ZNF98: variants seen among roughly 807,000 people sequenced by gnomAD.
ZNF98 encodes zinc finger protein 739.
In ZNF98, 8 loss-of-function variants were observed where a neutral mutation model predicts 12.8. That is an observed-to-expected ratio of 0.63 (90% confidence interval 0.37 to 1.13). The LOEUF (loss-of-function observed/expected upper bound fraction) is 1.13, where lower values mean the gene tolerates loss of function less well. Among genes scored for constraint, ZNF98 ranks in the 50% most tolerant of loss-of-function variants. The pLI is 0.01. For synonymous variants in ZNF98, 112 were observed against 223.5 expected, an observed-to-expected ratio of 0.50 and a Z score of 4.45; for missense variants, 379 against 666.1, an observed-to-expected ratio of 0.57 and a Z score of 4.74.
At chr19:22,414,175 A>C (rs1969612747) in intron 1 of ZNF98, among the ~76,000 whole-genome samples, 1 of 144,980 alleles carries the variant, frequency 6.9e-6, no homozygotes, top group South Asian at 2.3e-4. Context: ...GAGAAGTTAC[A>C]GTGAACCAAA....
intron 1 of ZNF98, among the ~76,000 whole-genome samples, chr19:22,410,607 G>A (rs1276843330): frequency 6.6e-6 from 1 of 152,172 alleles, no homozygotes; most frequent in African/African-American, 2.4e-5. Flanking sequence ...TTGTGAAGTG[G>A]GGGCAAGGGG....
chr19:22,396,962 T>A (rs1336038353), intron 3 of ZNF98, among the ~76,000 whole-genome samples: 1 of 151,776 alleles, frequency 6.6e-6, no homozygotes, highest in Middle Eastern at 3.2e-3. Context: ...CTACTAAAAA[T>A]ACAAAAATTA....
chr19:22,399,538 T>A (rs1969433963), intron 3 of ZNF98, among the ~76,000 whole-genome samples: 1 of 152,210 alleles, frequency 6.6e-6, no homozygotes, highest in Non-Finnish European at 1.5e-5. Flanking sequence ...ACAAATTATG[T>A]CATATTTTAG....
At chr19:22,400,103 T>G (rs905373202) in intron 3 of ZNF98, among the ~76,000 whole-genome samples, 1 of 152,190 alleles carries the variant, frequency 6.6e-6, no homozygotes, top group African/African-American at 2.4e-5. Flanking sequence ...TTGGTCCCAC[T>G]GAGAATTCTG....
At position 22,392,867 on chromosome 19, in the gene ZNF98, C is replaced by T. The variant is rs1476023771; in HGVS notation, c.368G>A (p.Arg123Lys). 5.0e-6 allele frequency: 8 copies of T among 1,608,300 alleles called. No homozygotes were observed. In the African/African-American group the frequency reaches 1.1e-4, roughly 22 times the overall value. ...KKCGRENLQL[R>K]KYCKSMDECK... ...CTCATCCATGCTTTTACAGTATTTTCTTAACTGTAAATTTTCACGTCCACA... is the reference window on the plus strand; with the variant it reads ...CTCATCCATGCTTTTACAGTATTTTTTTAACTGTAAATTTTCACGTCCACA... Residue 123 changes from arginine to lysine, a missense_variant, in exon 4 of 4, where the codon AGA becomes AAA. By Grantham distance (26) the Arg-to-Lys change is conservative. Around this residue, in one of 8 missense-constraint regions of ZNF98, gnomAD observed 223 missense variants for 261.6 expected, o/e 0.85. Transcript: ENST00000357774.
intron 1 of ZNF98, among the ~76,000 whole-genome samples, chr19:22,410,379 AT>A (rs1241514612): frequency 3.9e-5 from 6 of 152,244 alleles, no homozygotes; most frequent in African/African-American, 1.4e-4. Context: ...GACTTGACAA[AT>A]AAAATATGGT....
At chr19:22,402,527 G>A (rs888454244) in intron 3 of ZNF98, 3 of 443,138 alleles carry the variant, frequency 6.8e-6, no homozygotes, top group African/African-American at 6.1e-5. Flanking sequence ...AGTCTCTTAT[G>A]TGCCATGAAG....
intron 1 of ZNF98, among the ~76,000 whole-genome samples, chr19:22,417,838 T>A (rs1015063008): frequency 6.6e-6 from 1 of 152,094 alleles, no homozygotes; most frequent in Non-Finnish European, 1.5e-5. Context: ...TGAGAGGGAA[T>A]CCTGTGGTTA....
chr19:22,409,365 A>C, intron 1 of ZNF98, among the ~76,000 whole-genome samples: 1 of 152,198 alleles, frequency 6.6e-6, no homozygotes, highest in East Asian at 1.9e-4. Context: ...AATACCACTC[A>C]GGACATAGGC....
At chr19:22,415,952 T>TACACACAC (rs1969636495) in intron 1 of ZNF98, among the ~76,000 whole-genome samples, 1 of 30,560 alleles carries the variant, frequency 3.3e-5, no homozygotes, top group African/African-American at 1.5e-4. Flanking sequence ...AAAAAAAAAC[T>TACACACAC]ACAGACACAC....
At chr19:22,402,978 G>A (rs1244826905) in intron 2 of ZNF98, 94 bp from the exon 3 acceptor site, 22 of 1,259,516 alleles carry the variant, frequency 1.7e-5, no homozygotes, top group Non-Finnish European at 2.2e-5. Context: ...GAATATTCTA[G>A]TAAATTGATT....
At chr19:22,406,355 C>A (rs1419687831) in intron 1 of ZNF98, among the ~76,000 whole-genome samples, 1 of 151,890 alleles carries the variant, frequency 6.6e-6, no homozygotes, top group South Asian at 2.1e-4. Context: ...CTGAAGTGAA[C>A]CCCCAGCAAA....
Position 22,391,755 on chromosome 19 carries a change from C to A in ZNF98, c.1480G>T (p.Glu494Ter). ...HTGEKPYKCEECGKAFNQSSH... is the reference protein window; with the variant it reads ...HTGEKPYKCE ...GACTGGTTAAAAGCTTTGCCACATTCTTCACATTTGTAGGGCTTCTCTCCA... is the reference window on the plus strand; with the variant it reads ...GACTGGTTAAAAGCTTTGCCACATTATTCACATTTGTAGGGCTTCTCTCCA... Residue 494 changes from glutamate (E) to a stop codon, truncating the protein, a stop_gained, in exon 4 of 4, where the codon GAA becomes TAA. Coordinates refer to ENST00000357774, the MANE Select transcript of ZNF98 (RefSeq NM_001098626.2). LOFTEE classifies it low-confidence loss of function (END_TRUNC). 8 of 1,603,282 alleles carry A rather than the reference C, an allele frequency of 5.0e-6. No homozygotes were observed. Among genetic ancestry groups the A allele is most frequent in the Non-Finnish European group, 6.8e-6 (8 of 1,174,580 alleles).
intron 1 of ZNF98, among the ~76,000 whole-genome samples, chr19:22,413,761 C>A (rs137997624): frequency 2.0e-3 from 296 of 149,534 alleles, no homozygotes; most frequent in African/African-American, 6.4e-3. Flanking sequence ...CTCAGCTACT[C>A]AGGAGGCTGA....
chr19:22,414,968 T>C (rs1032169986), intron 1 of ZNF98, among the ~76,000 whole-genome samples: 7 of 152,134 alleles, frequency 4.6e-5, no homozygotes, highest in Non-Finnish European at 1.0e-4. Flanking sequence ...AGAAAATATT[T>C]GCAAACTATG....
At chr19:22,413,543 C>A (rs1294875400) in intron 1 of ZNF98, among the ~76,000 whole-genome samples, 1 of 152,078 alleles carries the variant, frequency 6.6e-6, no homozygotes, top group African/African-American at 2.4e-5. Context: ...GGTCAAAGAT[C>A]TTTATGACAA....
intron 1 of ZNF98, among the ~76,000 whole-genome samples, chr19:22,413,869 C>CAAAA (rs57148885): frequency 3.4e-3 from 147 of 43,118 alleles, no homozygotes; most frequent in African/African-American, 0.01. Context: ...AACTCCGTCT[C>CAAAA]AAAAAAAAAA....
chr19:22,407,840 C>T (rs770289977), intron 1 of ZNF98, among the ~76,000 whole-genome samples: 1 of 151,952 alleles, frequency 6.6e-6, no homozygotes, highest in Non-Finnish European at 1.5e-5. Context: ...GAGGCCGAGG[C>T]GGGCAGATCA....
chr19:22,391,244 T>A lies in ZNF98; in HGVS notation c.*272A>T. 3.7e-6 allele frequency: 2 copies of A among 537,250 alleles called. No homozygotes were observed. Among genetic ancestry groups the A allele is most frequent in the Non-Finnish European group, 6.0e-6 (2 of 335,264 alleles). 33.3% of individuals were successfully genotyped at this position (537,250 alleles called of 1,614,324 possible). On this transcript the variant is annotated 3_prime_UTR_variant, in exon 4 of 4. Transcript: ENST00000357774. ...CTTTAAATGCTTATATTTTCTGAACTCTTTTGACAGTAATTGCACCTTTAA... is the reference window on the plus strand; with the variant it reads ...CTTTAAATGCTTATATTTTCTGAACACTTTTGACAGTAATTGCACCTTTAA...
Sources: gnomAD v4.1 joint callset for allele counts (sites outside exome capture counted in the v4.1 genomes callset) on GRCh38, gnomAD v4.1.1 for gene constraint, gnomAD v4.1.1 regional missense constraint, MANE v1.5 for transcripts, NCBI Gene and HGNC (gene_info 2026-07-23, HGNC 2026-07-21) for gene names.